The following HBS1L variants were observed in gnomAD, a reference collection of about 807,000 sequenced individuals.
HBS1L encodes the protein HBS1-like protein.
HBS1L carries 55 observed loss-of-function variants against 88.9 expected under a neutral mutation model. That is an observed-to-expected ratio of 0.62 (90% CI 0.50 to 0.77). The LOEUF is 0.77. Ranked by LOEUF, HBS1L falls within the 30% of genes least tolerant of loss-of-function variation. The pLI is 0.00. For synonymous variants in HBS1L, 267 were observed against 288.5 expected, an observed-to-expected ratio of 0.93 and a Z score of 0.76; for missense variants, 741 against 829.3, an observed-to-expected ratio of 0.89 and a Z score of 1.31.
At chr6:135,044,512 G>C (rs982565247) in intron 2 of HBS1L, among the ~76,000 whole-genome samples, 6 of 152,144 alleles carry the variant, frequency 3.9e-5, no homozygotes, top group Non-Finnish European at 7.3e-5. Context: ...TTCTCTAAGA[G>C]GACAACTTTT....
intron 5 of HBS1L, 51 bp from the exon 6 acceptor site, chr6:134,997,707 C>T: frequency 6.5e-7 from 1 of 1,531,076 alleles, no homozygotes; most frequent in Non-Finnish European, 9.0e-7. Context: ...CTATTGATGT[C>T]CTACAATGAC....
At chr6:135,028,998 A>G (rs375540545) in intron 4 of HBS1L, among the ~76,000 whole-genome samples, 7 of 152,220 alleles carry the variant, frequency 4.6e-5, no homozygotes, top group Admixed American at 2.0e-4. Context: ...AATAGGTACT[A>G]AAAAGCTATA....
intron 8 of HBS1L, among the ~76,000 whole-genome samples, chr6:134,990,966 T>C (rs1441957268): frequency 6.6e-6 from 1 of 151,970 alleles, no homozygotes; most frequent in Non-Finnish European, 1.5e-5. Context: ...CAGTGCTTTG[T>C]AGGCATTGCA....
intron 4 of HBS1L, among the ~76,000 whole-genome samples, chr6:135,019,121 TAAG>T (rs1776002928): frequency 6.6e-6 from 1 of 151,584 alleles, no homozygotes; most frequent in Admixed American, 6.6e-5. Flanking sequence ...CCAGAAAAAA[TAAG>T]AACTATAACC....
chr6:134,968,459 A>C lies in HBS1L; in HGVS notation c.1898+779T>G. On this transcript the variant is annotated intron_variant, in intron 16 of 17. Transcript: ENST00000367837. ...AGACGGGGTTTCGCCATGTTGGCCAAGCTGGTCTCAAACTCCAGACCTCAG... is the reference window on the plus strand; with the variant it reads ...AGACGGGGTTTCGCCATGTTGGCCACGCTGGTCTCAAACTCCAGACCTCAG... Among the ~76,000 whole-genome samples, 4 of 152,068 alleles carry C rather than the reference A, an allele frequency of 2.6e-5. No homozygotes were observed. The Middle Eastern group carries it at 0.014, about 517-fold the overall frequency.
At chr6:135,036,016 T>C in intron 4 of HBS1L, 1 of 673,410 alleles carries the variant, frequency 1.5e-6, no homozygotes, top group Non-Finnish European at 1.8e-6. Context: ...ATTTCAACAA[T>C]CTCCACAGTA....
Position 134,979,186 on chromosome 6 carries a change from G to A in HBS1L, c.1680C>T (p.Ile560=), listed in dbSNP as rs374148805. ...CTCATTTTCTCACTCACTTGATTTT[G>A]ATGATATCCATCCCAACCAAAGTAA... ...VSLTLVGMDI[I]KINVGCIFCG... is the part of the protein sequence containing the mutation. Residue 560 remains isoleucine, a synonymous_variant, in exon 14 of 18, where the codon ATC becomes ATT. Coordinates refer to ENST00000367837, the MANE Select transcript of HBS1L (RefSeq NM_006620.4). The A allele has an allele frequency of 6.2e-7, 1 of 1,609,446 alleles. No homozygotes were observed.
At position 135,054,768 on chromosome 6, in the gene HBS1L, C is replaced by T; in HGVS notation, c.-77G>A. ...CGCTTAGATACTGATAAGGCGCCAA[C>T]TGCAGCCTGGAGAACCCCTATGCGC... On this transcript the variant is annotated 5_prime_UTR_variant, in exon 1 of 18. Transcript: ENST00000367837. 8 of 1,564,658 alleles carry T rather than the reference C, an allele frequency of 5.1e-6. No homozygotes were observed. Among genetic ancestry groups the T allele is most frequent in the Non-Finnish European group, 7.0e-6 (8 of 1,142,320 alleles).
chr6:135,023,397 T>A (rs1256282961), intron 4 of HBS1L, among the ~76,000 whole-genome samples: 1 of 152,108 alleles, frequency 6.6e-6, no homozygotes, highest in Non-Finnish European at 1.5e-5. Flanking sequence ...TGAGCCGATT[T>A]CGCGCCACTG....
In HBS1L at chr6:135,039,758, T is replaced by A; in HGVS notation, c.245A>T (p.Tyr82Phe). 1 of 1,610,366 alleles carries A rather than the reference T, an allele frequency of 6.2e-7. No homozygotes were observed. Among genetic ancestry groups the A allele is most frequent in the Non-Finnish European group, 8.5e-7 (1 of 1,178,890 alleles). Residue 82 changes from tyrosine (Y) to phenylalanine (F), a missense_variant, in exon 4 of 18, where the codon TAT becomes TTT. Tyr to Phe is a conservative substitution (Grantham distance 22). Transcript: ENST00000367837. ...QLSGFDQARL[Y>F]SCLDHMREVL... ...CTCTCTCATGTGATCAAGGCATGAA[T>A]AAAGACGAGCTAGAAAAGACGACAA...
At chr6:135,041,853 T>G (rs778554467) in intron 3 of HBS1L, 148 bp downstream of exon 3, 3 of 618,116 alleles carry the variant, frequency 4.9e-6, no homozygotes, top group Non-Finnish European at 5.2e-6. Context: ...ACATACTTAA[T>G]AAAACATAAA....
intron 5 of HBS1L, among the ~76,000 whole-genome samples, chr6:135,001,249 A>C (rs544428750): frequency 6.6e-6 from 1 of 152,304 alleles, no homozygotes; most frequent in Non-Finnish European, 1.5e-5. Flanking sequence ...ATAGTCATAA[A>C]ATTCTGAAAG....
intron 4 of HBS1L, among the ~76,000 whole-genome samples, chr6:135,031,891 T>C (rs1488413865): frequency 6.6e-6 from 1 of 150,878 alleles, no homozygotes; most frequent in Non-Finnish European, 1.5e-5. Flanking sequence ...GAACCTGAAC[T>C]CCTGGACTCA....
Position 134,962,771 on chromosome 6 carries a change from C to T in HBS1L, c.*2508G>A, listed in dbSNP as rs1380077888. 1 of 152,162 alleles carries T rather than the reference C, an allele frequency of 6.6e-6. No individual in the cohort carries two copies. Among genetic ancestry groups the T allele is most frequent in the Non-Finnish European group, 1.5e-5 (1 of 68,024 alleles). 9.4% of individuals were successfully genotyped at this position (152,162 alleles called of 1,614,324 possible). On this transcript the variant is annotated 3_prime_UTR_variant, in exon 18 of 18. Coordinates refer to ENST00000367837, the MANE Select transcript of HBS1L (RefSeq NM_006620.4). ...AAGAAATACCTGAAGCAAAATGACA[C>T]AAAATGGATGTACTATAAATTATGG...
chr6:134,980,458 T>G (rs1175151431), intron 13 of HBS1L, among the ~76,000 whole-genome samples: 1 of 152,062 alleles, frequency 6.6e-6, no homozygotes, highest in Non-Finnish European at 1.5e-5. Context: ...TTTTAAAATG[T>G]AAATTTAGAA....
intron 2 of HBS1L, among the ~76,000 whole-genome samples, chr6:135,047,593 C>T (rs1262511602): frequency 6.6e-6 from 1 of 152,234 alleles, no homozygotes; most frequent in Admixed American, 6.5e-5. Flanking sequence ...TCAAGCGATG[C>T]TGATGGTTCA....
intron 8 of HBS1L, among the ~76,000 whole-genome samples, chr6:134,991,147 A>G (rs778348075): frequency 3.4e-5 from 5 of 147,266 alleles, no homozygotes; most frequent in Non-Finnish European, 7.6e-5. Flanking sequence ...TGAGAAGTAC[A>G]GTTTCCCTAA....
chr6:135,042,527 G>A (rs1203384780), intron 2 of HBS1L, among the ~76,000 whole-genome samples: 3 of 152,078 alleles, frequency 2.0e-5, no homozygotes, highest in African/African-American at 4.8e-5. Context: ...AACACAAGGT[G>A]GCCAAGCGCA....
chr6:135,019,731 T>A (rs1299150897), intron 4 of HBS1L, among the ~76,000 whole-genome samples: 1 of 151,968 alleles, frequency 6.6e-6, no homozygotes, highest in Non-Finnish European at 1.5e-5. Context: ...AAGATCATTG[T>A]ATATCTCCAG....
Sources: allele counts gnomAD v4.1 joint callset (sites outside exome capture counted in the v4.1 genomes callset), GRCh38; gene constraint gnomAD v4.1.1; transcripts MANE v1.5; gene names NCBI Gene and HGNC (gene_info 2026-07-23, HGNC 2026-07-21).